Variants in ART3 observed in about 807,000 individuals in gnomAD.
ART3 encodes ADP-ribosyltransferase 3 (inactive).
Under a neutral mutation model 48.5 loss-of-function variants are expected in ART3, and 49 were observed. The ratio of observed to expected loss-of-function variants is 1.01; its 90% CI spans 0.80 to 1.28. The LOEUF is 1.28. Among genes scored for constraint, ART3 ranks in the 50% most tolerant of loss-of-function variants. The pLI is 0.00. For synonymous variants in ART3, 145 were observed against 157.2 expected (o/e 0.92, Z 0.58); for missense variants, 438 against 454.3 (o/e 0.96, Z 0.33).
At chr4:76,069,391 T>TTTC (rs1720084180) in intron 1 of ART3, among the ~76,000 whole-genome samples, 1 of 145,570 alleles carries the variant, frequency 6.9e-6, no homozygotes, top group Non-Finnish European at 1.5e-5. Context: ...AATTCCTTTT[T>TTTC]TTTTTTTTTT....
At chr4:76,078,767 G>A (rs904555865) in intron 2 of ART3, among the ~76,000 whole-genome samples, 5 of 152,136 alleles carry the variant, frequency 3.3e-5, no homozygotes, top group South Asian at 4.1e-4. Flanking sequence ...TTCTTTAGAG[G>A]CAACAGAACA....
rs149862377 is a variant in ART3 at position 76,100,315 on chromosome 4, A to T, written c.872A>T (p.Asp291Val). ...GGTGAGAAAAACCAGAAGCTTGAAG[A>T]CCATAGTAAGACATTTTTATAAATT... ...NPGEKNQKLEDHSEKNWKLED... is the reference protein window; with the variant it reads ...NPGEKNQKLEVHSEKNWKLED... Residue 291 changes from aspartate to valine, a missense_variant, in exon 6 of 12, where the codon GAC (aspartate) becomes GTC (valine). Asp to Val is a radical substitution (Grantham distance 152). Coordinates refer to ENST00000355810, the MANE Select transcript of ART3 (RefSeq NM_001130016.3). 2.5e-5 allele frequency: 41 copies of T among 1,612,788 alleles called. No individual in the cohort carries two copies. The Admixed American group carries it at 6.8e-4, about 27-fold the overall frequency.
chr4:76,072,932 G>A (rs112221074), upstream of ART3, among the ~76,000 whole-genome samples: 8 of 152,142 alleles, frequency 5.3e-5, no homozygotes, highest in African/African-American at 1.7e-4. Flanking sequence ...CCACCTTTCA[G>A]TGAGTCTTCC....
In ART3 at chr4:76,103,962, A is replaced by G. The variant is rs1727895987; in HGVS notation, c.963A>G (p.Gln321=). 5 of 1,613,684 alleles carry G rather than the reference A, an allele frequency of 3.1e-6. No individual in the cohort carries two copies. The highest frequency in any genetic ancestry group is 4.2e-6 in the Non-Finnish European group (5 of 1,179,734). The change falls in exon 9 of 12, where the codon CAA becomes CAG. Residue 321 remains glutamine, a synonymous_variant. Transcript: ENST00000355810. ...GTGTGAAAATCCTTGAACCCACCCA[A>G]ATACCTGGTAAGACAGCTTTCTATT... ...DHGVKILEPT[Q]IPGMKIPEPF...
chr4:76,064,076 A>G (rs1036638803), intron 1 of ART3, among the ~76,000 whole-genome samples: 35 of 152,340 alleles, frequency 2.3e-4, no homozygotes, highest in African/African-American at 8.2e-4. Flanking sequence ...GAAATGGAAA[A>G]AGTACCCAGG....
At chr4:76,024,639 T>C (rs1240971561) in intron 1 of ART3, among the ~76,000 whole-genome samples, 1 of 152,190 alleles carries the variant, frequency 6.6e-6, no homozygotes, top group African/African-American at 2.4e-5. Flanking sequence ...CTTGGTTGTG[T>C]TCTTTGCAAA....
chr4:76,025,885 C>A (rs55964684), intron 1 of ART3, among the ~76,000 whole-genome samples: 16,157 of 151,986 alleles, frequency 0.11, 1,051 homozygotes, highest in African/African-American at 0.18. Flanking sequence ...TGGGCATATG[C>A]TTTCATTTTG....
Position 76,081,778 on chromosome 4 carries a change from A to C in ART3, c.70-46A>C, listed in dbSNP as rs772691244. On this transcript the variant is annotated intron_variant, in intron 2 of 11. Coordinates refer to ENST00000355810, the MANE Select transcript of ART3 (RefSeq NM_001130016.3). ...AATAATGTGAGAGAAAATGATATTC[A>C]CTGAATTTCTTATTTCAAGAGTATT... 8 of 1,544,428 alleles carry C rather than the reference A, an allele frequency of 5.2e-6. No homozygotes were observed. In the South Asian group the frequency reaches 9.8e-5, roughly 19 times the overall value.
intron 3 of ART3, among the ~76,000 whole-genome samples, chr4:76,090,634 A>C (rs2149607027): frequency 6.6e-6 from 1 of 152,316 alleles, no homozygotes; most frequent in African/African-American, 2.4e-5. Context: ...TTAACAAGTC[A>C]GGGATGTGGA....
chr4:76,079,928 A>G, intron 2 of ART3, among the ~76,000 whole-genome samples: 1 of 150,738 alleles, frequency 6.6e-6, no homozygotes, highest in African/African-American at 2.5e-5. Context: ...TCACACACAC[A>G]CACAGAGAGA....
At position 76,033,313 on chromosome 4, in the gene ART3, T is replaced by C. The variant is rs147793796; in HGVS notation, c.-10+21993T>C. Among the ~76,000 whole-genome samples the C allele has an allele frequency of 5.1e-4, 78 of 152,352 alleles. 1 individual carries two copies. The highest frequency in any genetic ancestry group is 1.8e-3 in the African/African-American group (76 of 41,592). ...ACTACTGTAAGACTTTCATTGTTTC[T>C]CCTGCTGCTGCCAGGCTTGAAATAA... On this transcript the variant is annotated intron_variant, in intron 1 of 9. Transcript: ENST00000341029.
chr4:76,107,522 A>G (rs1728703296), intron 10 of ART3: 2 of 317,874 alleles, frequency 6.3e-6, no homozygotes, highest in Admixed American at 5.2e-5. Flanking sequence ...CTTTTTGTGA[A>G]TAAAATTTTA....
At chr4:76,040,843 T>G (rs191761977) in intron 1 of ART3, among the ~76,000 whole-genome samples, 4 of 152,198 alleles carry the variant, frequency 2.6e-5, no homozygotes, top group African/African-American at 9.6e-5. Flanking sequence ...GCTGTAACCT[T>G]TTCACTTCAT....
intron 1 of ART3, among the ~76,000 whole-genome samples, chr4:76,062,464 T>G (rs1719315870): frequency 6.6e-6 from 1 of 152,118 alleles, no homozygotes; most frequent in South Asian, 2.1e-4. Context: ...TTGTTATAAA[T>G]TATCGTTATT....
chr4:76,089,870 A>G (rs1206865026), intron 3 of ART3, among the ~76,000 whole-genome samples: 3 of 152,142 alleles, frequency 2.0e-5, no homozygotes, highest in Non-Finnish European at 4.4e-5. Flanking sequence ...TCACGGGGTC[A>G]GGTGTTCGAG....
intron 9 of ART3, 84 bp from the exon 10 acceptor site, chr4:76,104,513 T>C: frequency 6.5e-7 from 1 of 1,546,142 alleles, no homozygotes; most frequent in Non-Finnish European, 8.7e-7. Flanking sequence ...GGTGCTTGCA[T>C]CTCTTAAGCT....
intron 1 of ART3, among the ~76,000 whole-genome samples, chr4:76,029,185 T>C (rs1175326261): frequency 6.6e-6 from 1 of 152,252 alleles, no homozygotes; most frequent in Non-Finnish European, 1.5e-5. Context: ...AGATATGATA[T>C]AGTTCAGTAG....
At chr4:76,069,895 A>G (rs1199848116), upstream of ART3, among the ~76,000 whole-genome samples, 1 of 151,926 alleles carries the variant, frequency 6.6e-6, no homozygotes, top group Non-Finnish European at 1.5e-5. Context: ...CATATAACAT[A>G]CCCAAGATGT....
intron 3 of ART3, among the ~76,000 whole-genome samples, chr4:76,086,099 C>T (rs554378132): frequency 2.0e-5 from 3 of 151,136 alleles, no homozygotes; most frequent in Admixed American, 2.0e-4. Flanking sequence ...ACAGAACTAC[C>T]ATATGACCCA....
Sources: allele counts gnomAD v4.1 joint callset (sites outside exome capture counted in the v4.1 genomes callset), GRCh38; gene constraint gnomAD v4.1.1; transcripts MANE v1.5; gene names NCBI Gene and HGNC (gene_info 2026-07-23, HGNC 2026-07-21).